The following CDH4 variants were observed in gnomAD, a reference collection of about 807,000 sequenced individuals.
The protein encoded by CDH4 is cadherin 4.
In CDH4, 33 loss-of-function variants were observed where a neutral mutation model predicts 86.0. The observed-to-expected ratio is 0.38, with a 90% CI of 0.29 to 0.51. The LOEUF is 0.51. Ranked by LOEUF, CDH4 falls within the 20% of genes least tolerant of loss-of-function variation. The probability of loss-of-function intolerance (pLI) is 0.86; values close to 1 mark genes in which losing one functional copy is unlikely to be tolerated. For synonymous variants in CDH4, 555 were observed against 549.4 expected (o/e 1.01, Z -0.14); for missense variants, 1,114 against 1,307.4 (o/e 0.85, Z 2.28).
intron 2 of CDH4, among the ~76,000 whole-genome samples, chr20:61,395,653 G>A (rs2085012748): frequency 6.6e-6 from 1 of 152,086 alleles, no homozygotes; most frequent in African/African-American, 2.4e-5. Context: ...GGTGGTTCGT[G>A]CCTATAGGCC....
rs957172081 is a variant in CDH4 at position 61,517,680 on chromosome 20, A to G, written c.170-225883A>G. 7.5e-5 allele frequency among the ~76,000 whole-genome samples: 11 copies of G among 146,520 alleles called. No individual in the cohort carries two copies. The highest frequency in any genetic ancestry group is 1.3e-4 in the African/African-American group (5 of 38,612). ...GCGCCGCTGTAGGACCATGGAGGGAATGAACAAGGAGGGGTTGTCGGACGT... is the reference window on the plus strand; with the variant it reads ...GCGCCGCTGTAGGACCATGGAGGGAGTGAACAAGGAGGGGTTGTCGGACGT... On this transcript the variant is annotated intron_variant, in intron 2 of 15. Transcript: ENST00000614565. This position sits in a 1 kb window ranked among gnomAD's most constrained non-coding sequence, Gnocchi z 6.6.
intron 2 of CDH4, among the ~76,000 whole-genome samples, chr20:61,581,001 G>A (rs2086423913): frequency 6.6e-6 from 1 of 152,202 alleles, no homozygotes; most frequent in Admixed American, 6.5e-5. Flanking sequence ...ATGAGCATTA[G>A]GGCTTCTCCC....
At position 61,681,561 on chromosome 20, in the gene CDH4, T is replaced by A. The variant is rs1053540023; in HGVS notation, c.170-62002T>A. 6.6e-6 allele frequency among the ~76,000 whole-genome samples: 1 copy of A among 152,132 alleles called. No homozygotes were observed. Among genetic ancestry groups the A allele is most frequent in the Non-Finnish European group, 1.5e-5 (1 of 68,024 alleles). Reference sequence around the variant, plus strand: ...AATCTGTTAGCTCCCGAACTCTTGTTCCAAGGGGTAGGAGAAAAAGGGGGC... The same window carrying A: ...AATCTGTTAGCTCCCGAACTCTTGTACCAAGGGGTAGGAGAAAAAGGGGGC... On this transcript the variant is annotated intron_variant, in intron 2 of 15. Transcript: ENST00000614565. This position sits in a 1 kb window ranked among gnomAD's most constrained non-coding sequence, Gnocchi z 4.5.
chr20:61,685,838 C>T (rs2087567650), intron 2 of CDH4, among the ~76,000 whole-genome samples: 2 of 152,244 alleles, frequency 1.3e-5, no homozygotes, highest in African/African-American at 4.8e-5. Context: ...GATTCAAAAC[C>T]TTCACATTAA....
rs141293181 is a variant in CDH4 at position 61,294,961 on chromosome 20, G to A, written c.169+40024G>A. On this transcript the variant is annotated intron_variant, in intron 2 of 15. Transcript: ENST00000614565. ...CCCAGGCCTCTGCCCCAAAAACACG[G>A]CTGTGGAGCTGTTGAGGAAAAAGAA... Among the ~76,000 whole-genome samples, 1,262 of 152,304 alleles carry A rather than the reference G, an allele frequency of 8.3e-3. 14 individuals are homozygous for A. The highest frequency in any genetic ancestry group is 0.029 in the African/African-American group (1,213 of 41,570).
At chr20:61,931,222 G>T (rs1349991048) in intron 13 of CDH4, among the ~76,000 whole-genome samples, 1 of 152,246 alleles carries the variant, frequency 6.6e-6, no homozygotes, top group Non-Finnish European at 1.5e-5. Context: ...TGGCCTTGTG[G>T]CTTCCGTCGA....
At chr20:61,359,761 G>A (rs2084773878) in intron 2 of CDH4, among the ~76,000 whole-genome samples, 1 of 152,198 alleles carries the variant, frequency 6.6e-6, no homozygotes, top group Non-Finnish European at 1.5e-5. Flanking sequence ...GTGCCCTGAT[G>A]AAAGCCAGGC....
At chr20:61,457,137 A>T (rs1290120262) in intron 2 of CDH4, among the ~76,000 whole-genome samples, 1 of 152,206 alleles carries the variant, frequency 6.6e-6, no homozygotes, top group African/African-American at 2.4e-5. Context: ...AGGTTCACAG[A>T]CAAGCCACAG....
intron 9 of CDH4, among the ~76,000 whole-genome samples, chr20:61,912,323 G>A (rs1294720141): frequency 6.6e-6 from 1 of 152,086 alleles, no homozygotes; most frequent in Non-Finnish European, 1.5e-5. Flanking sequence ...GAGATCACAG[G>A]GGAAGAAAAT....
At chr20:61,928,546 C>A in intron 12 of CDH4, 123 bp downstream of exon 12, 2 of 796,418 alleles carry the variant, frequency 2.5e-6, no homozygotes, top group Non-Finnish European at 4.1e-6. Flanking sequence ...CAGGACTGTC[C>A]CACCAAGGCT....
intron 4 of CDH4, among the ~76,000 whole-genome samples, chr20:61,809,780 C>T (rs1416622240): frequency 6.6e-6 from 1 of 152,212 alleles, no homozygotes; most frequent in Non-Finnish European, 1.5e-5. Context: ...GCAGAACCTT[C>T]CATACTTGCA....
At chr20:61,294,820 T>C (rs952540053) in intron 2 of CDH4, among the ~76,000 whole-genome samples, 1 of 152,142 alleles carries the variant, frequency 6.6e-6, no homozygotes, top group Non-Finnish European at 1.5e-5. Flanking sequence ...GGACCAAAGC[T>C]CCCGATCTGG....
At chr20:61,499,097 C>T (rs2085682132) in intron 2 of CDH4, among the ~76,000 whole-genome samples, 1 of 152,130 alleles carries the variant, frequency 6.6e-6, no homozygotes, top group Non-Finnish European at 1.5e-5. Flanking sequence ...CCTCACTGCT[C>T]ATGGAAAGGA....
chr20:61,329,011 T>C (rs748058635), intron 2 of CDH4, among the ~76,000 whole-genome samples: 3 of 152,174 alleles, frequency 2.0e-5, no homozygotes, highest in Non-Finnish European at 4.4e-5. Context: ...TTAACCGTGC[T>C]CGGAACACTT....
At chr20:61,528,835 C>G (rs1258449282) in intron 2 of CDH4, among the ~76,000 whole-genome samples, 1 of 149,756 alleles carries the variant, frequency 6.7e-6, no homozygotes, top group Non-Finnish European at 1.5e-5. Flanking sequence ...GGAAGGGGAA[C>G]TCGTGATGAT....
At chr20:61,310,852 C>A (rs1249579636) in intron 2 of CDH4, among the ~76,000 whole-genome samples, 1 of 152,162 alleles carries the variant, frequency 6.6e-6, no homozygotes, top group Non-Finnish European at 1.5e-5. Flanking sequence ...CACAGGGACA[C>A]CAGTCACCTC....
At chr20:61,745,681 C>A (rs1265950057) in intron 3 of CDH4, among the ~76,000 whole-genome samples, 1 of 152,018 alleles carries the variant, frequency 6.6e-6, no homozygotes, top group Non-Finnish European at 1.5e-5. Context: ...CCTTGGACAG[C>A]CTGGGGACCC....
At chr20:61,323,400 A>G (rs2084519664) in intron 2 of CDH4, among the ~76,000 whole-genome samples, 1 of 152,200 alleles carries the variant, frequency 6.6e-6, no homozygotes, top group East Asian at 1.9e-4. Context: ...TCCACCAGGC[A>G]TTCATGGCTC....
At chr20:61,833,019 T>A (rs2076798722) in intron 4 of CDH4, among the ~76,000 whole-genome samples, 1 of 151,812 alleles carries the variant, frequency 6.6e-6, no homozygotes, top group Admixed American at 6.6e-5. Flanking sequence ...TACCTGCGAG[T>A]CTGAGGGGTG....
Sources: gnomAD v4.1 joint callset for allele counts (sites outside exome capture counted in the v4.1 genomes callset) on GRCh38, gnomAD v4.1.1 for gene constraint, Gnocchi (gnomAD v3.1) non-coding constraint, MANE v1.5 for transcripts, NCBI Gene and HGNC (gene_info 2026-07-23, HGNC 2026-07-21) for gene names.